The following ASTN1 variants were observed in gnomAD, a reference collection of about 807,000 sequenced individuals.
The protein encoded by ASTN1 is astrotactin 1.
ASTN1 carries 41 observed loss-of-function variants against 140.7 expected under a neutral mutation model. The ratio of observed to expected loss-of-function variants is 0.29; its 90% CI spans 0.23 to 0.38. The LOEUF (loss-of-function observed/expected upper bound fraction) is 0.38, where lower values mean the gene tolerates loss of function less well. Among genes scored for constraint, ASTN1 ranks in the 10% least tolerant of loss-of-function variants. The pLI is 1.00. For synonymous variants in ASTN1, 640 were observed against 652.2 expected (o/e 0.98, Z 0.29); for missense variants, 1,479 against 1,678.8 (o/e 0.88, Z 2.08).
chr1:176,904,004 C>T (rs778090263), intron 16 of ASTN1, among the ~76,000 whole-genome samples: 1 of 152,194 alleles, frequency 6.6e-6, no homozygotes, highest in South Asian at 2.1e-4. Flanking sequence ...AAATCTCCCC[C>T]TCATTTCTCT....
intron 8 of ASTN1, among the ~76,000 whole-genome samples, chr1:176,992,083 G>A (rs1340576972): frequency 6.6e-6 from 1 of 152,158 alleles, no homozygotes; most frequent in African/African-American, 2.4e-5. Flanking sequence ...TATGGTATCT[G>A]ACTGATATTG....
At chr1:177,034,692 C>A (rs1676625478) in intron 2 of ASTN1, among the ~76,000 whole-genome samples, 1 of 152,034 alleles carries the variant, frequency 6.6e-6, no homozygotes, top group Non-Finnish European at 1.5e-5. Flanking sequence ...TCCAACCTGA[C>A]ATTTTTTTTT....
intron 11 of ASTN1, among the ~76,000 whole-genome samples, chr1:176,955,933 A>G (rs1672381360): frequency 1.3e-5 from 2 of 152,266 alleles, no homozygotes; most frequent in Non-Finnish European, 2.9e-5. Context: ...CAGTAATAAG[A>G]AATGAAAGGC....
intron 2 of ASTN1, among the ~76,000 whole-genome samples, chr1:177,046,159 C>T (rs991409344): frequency 3.3e-5 from 5 of 152,134 alleles, no homozygotes; most frequent in East Asian, 1.9e-4. Context: ...GGCTACAAAC[C>T]GGGTAGACCC....
chr1:177,139,201 C>G (rs1024669797), intron 1 of ASTN1, among the ~76,000 whole-genome samples: 1 of 152,144 alleles, frequency 6.6e-6, no homozygotes, highest in African/African-American at 2.4e-5. Context: ...GATGGTACCT[C>G]TTATACATGA....
At chr1:176,983,068 G>A (rs1185052054) in intron 8 of ASTN1, among the ~76,000 whole-genome samples, 1 of 152,166 alleles carries the variant, frequency 6.6e-6, no homozygotes, top group Admixed American at 6.5e-5. Context: ...CAGCTATGAT[G>A]TTGGGGTGGG....
intron 16 of ASTN1, among the ~76,000 whole-genome samples, chr1:176,923,040 T>C (rs895401563): frequency 5.9e-5 from 9 of 152,180 alleles, no homozygotes; most frequent in Admixed American, 5.9e-4. Context: ...TTTACAGACA[T>C]GGAAACTGAG....
At position 177,059,701 on chromosome 1, in the gene ASTN1, T is replaced by C. The variant is rs751977883; in HGVS notation, c.471+1377A>G. ...TTTTGAGATTTTATCAGAGATTTTA[T>C]AGAGAGATTTTCCATCTTTGGATAA... On this transcript the variant is annotated intron_variant, in intron 2 of 22. Transcript: ENST00000361833. Among the ~76,000 whole-genome samples, 8 of 152,196 alleles carry C rather than the reference T, an allele frequency of 5.3e-5. No homozygotes were observed. In the South Asian group the frequency reaches 6.2e-4, roughly 12 times the overall value.
intron 8 of ASTN1, among the ~76,000 whole-genome samples, chr1:176,990,878 T>C (rs1674126194): frequency 6.6e-6 from 1 of 152,224 alleles, no homozygotes; most frequent in Admixed American, 6.5e-5. Flanking sequence ...CTGGCTATAT[T>C]CTCTAAACAA....
intron 8 of ASTN1, among the ~76,000 whole-genome samples, chr1:177,010,513 C>T (rs1298158916): frequency 1.3e-5 from 2 of 152,212 alleles, no homozygotes; most frequent in Non-Finnish European, 2.9e-5. Flanking sequence ...TCATCTGTGA[C>T]TTTGTTTAAA....
intron 16 of ASTN1, among the ~76,000 whole-genome samples, chr1:176,933,256 C>T (rs1671284293): frequency 6.6e-6 from 1 of 152,232 alleles, no homozygotes; most frequent in African/African-American, 2.4e-5. Context: ...CAGAGACATA[C>T]TTGCCCCTGT....
At chr1:177,083,242 G>A (rs188241000) in intron 1 of ASTN1, among the ~76,000 whole-genome samples, 1 of 152,088 alleles carries the variant, frequency 6.6e-6, no homozygotes, top group African/African-American at 2.4e-5. Flanking sequence ...GTGAGTCTAG[G>A]GCCATATGTT....
At chr1:176,866,036 A>T (rs1571428906) in intron 22 of ASTN1, among the ~76,000 whole-genome samples, 1 of 152,230 alleles carries the variant, frequency 6.6e-6, no homozygotes, top group African/African-American at 2.4e-5. Context: ...GGGTGGGGAC[A>T]CAGCCAAATC....
chr1:176,910,307 G>A (rs2103058635), intron 16 of ASTN1, among the ~76,000 whole-genome samples: 1 of 152,184 alleles, frequency 6.6e-6, no homozygotes, highest in East Asian at 1.9e-4. Flanking sequence ...ATCTTTTTAG[G>A]CCTTTCTTGT....
At chr1:177,121,973 C>T (rs1042758235) in intron 1 of ASTN1, among the ~76,000 whole-genome samples, 8 of 152,034 alleles carry the variant, frequency 5.3e-5, no homozygotes, top group African/African-American at 1.9e-4. Context: ...CCCTCTTGAC[C>T]CACTTAGCAC....
rs1172247038 is a variant in ASTN1 at position 176,863,248 on chromosome 1, G to T, written c.*1036C>A. 11 of 985,740 alleles carry T rather than the reference G, an allele frequency of 1.1e-5. No homozygotes were observed. The highest frequency in any genetic ancestry group is 1.3e-5 in the Non-Finnish European group (11 of 829,936). 61.1% of individuals were successfully genotyped at this position (985,740 alleles called of 1,614,324 possible). A position where few individuals can be genotyped will look rare whatever the true frequency, so the allele number is the denominator to read the frequency against. On this transcript the variant is annotated 3_prime_UTR_variant, in exon 23 of 23. Coordinates refer to ENST00000361833, the MANE Select transcript of ASTN1 (RefSeq NM_004319.3). ...AACACAAGCAAATTTAGCAAGGTGG[G>T]GATGAACAGAAGTTTTTTGTGATCA...
intron 2 of ASTN1, among the ~76,000 whole-genome samples, chr1:177,054,406 A>T (rs1677694720): frequency 6.6e-6 from 1 of 152,214 alleles, no homozygotes; most frequent in Admixed American, 6.5e-5. Flanking sequence ...TAACATCTCT[A>T]TAAGTTAGGT....
At chr1:176,919,283 T>C (rs957483027) in intron 16 of ASTN1, among the ~76,000 whole-genome samples, 1 of 152,188 alleles carries the variant, frequency 6.6e-6, no homozygotes, top group Non-Finnish European at 1.5e-5. Context: ...AAGAATAACT[T>C]ATTGAATTAC....
intron 1 of ASTN1, among the ~76,000 whole-genome samples, chr1:177,076,273 T>A (rs1207371058): frequency 1.1e-5 from 1 of 88,150 alleles, no homozygotes; most frequent in Non-Finnish European, 2.4e-5. Context: ...AGCGAGACTA[T>A]GTCTCAAAAA....
Sources: gnomAD v4.1 joint callset for allele counts (sites outside exome capture counted in the v4.1 genomes callset) on GRCh38, gnomAD v4.1.1 for gene constraint, MANE v1.5 for transcripts, NCBI Gene and HGNC (gene_info 2026-07-23, HGNC 2026-07-21) for gene names.